CCNB3: variants seen among roughly 807,000 people sequenced by gnomAD.
The protein encoded by CCNB3 is cyclin B3, also known as G2/mitotic-specific cyclin-B3.
In CCNB3, 12 loss-of-function variants were observed where a neutral mutation model predicts 68.0. That is an observed-to-expected ratio of 0.18 (90% CI 0.11 to 0.29). The LOEUF (loss-of-function observed/expected upper bound fraction) is 0.29, where lower values mean the gene tolerates loss of function less well. CCNB3 is among the 10% of genes least tolerant of loss of function. The probability of loss-of-function intolerance (pLI) is 1.00; values close to 1 mark genes in which losing one functional copy is unlikely to be tolerated. For synonymous variants in CCNB3, 354 were observed against 388.9 expected (o/e 0.91, Z 1.06); for missense variants, 904 against 993.1 (o/e 0.91, Z 1.21).
intron 1 of CCNB3, among the ~76,000 whole-genome samples, chrX:50,279,321 A>G (rs1936030884): frequency 1.4e-5 from 1 of 72,054 alleles, no homozygotes; most frequent in African/African-American, 6.6e-5. Flanking sequence ...TTTAATATAT[A>G]TTTAAATATA....
At chrX:50,301,470 T>C (rs1602215543) in intron 5 of CCNB3, among the ~76,000 whole-genome samples, 1 of 111,701 alleles carries the variant, frequency 9.0e-6, no homozygotes, top group South Asian at 3.7e-4. Flanking sequence ...ACCGCAAATG[T>C]TGCTGCCTGA....
upstream of CCNB3, among the ~76,000 whole-genome samples, chrX:50,204,313 T>C (rs1405065823): frequency 8.9e-6 from 1 of 111,805 alleles, no homozygotes. Flanking sequence ...CTTCAGTTTC[T>C]CATTCTACGG....
chrX:50,293,919 G>T (rs186143900), intron 4 of CCNB3, among the ~76,000 whole-genome samples: 1 of 111,180 alleles, frequency 9.0e-6, no homozygotes, highest in East Asian at 2.8e-4. Flanking sequence ...AGGTTCATTT[G>T]TGTCATTTAA....
chrX:50,279,891 AATAT>A (rs1289110481), intron 1 of CCNB3, among the ~76,000 whole-genome samples: 183 of 87,140 alleles, frequency 2.1e-3, no homozygotes, highest in Non-Finnish European at 3.1e-3. Context: ...AGTATATATA[AATAT>A]ATAGTGTATA....
chrX:50,285,273 G>A lies in CCNB3; in HGVS notation c.96+14G>A. ...CCATCTGAAAAGGTTAGAGCAAGCT[G>A]TCTTTCCCAACAATATCTTTGGTAG... On this transcript the variant is annotated intron_variant, in intron 3 of 12. Coordinates refer to ENST00000376042, the MANE Select transcript of CCNB3 (RefSeq NM_033031.3). 3 of 1,145,996 alleles carry A rather than the reference G, an allele frequency of 2.6e-6. No individual in the cohort carries two copies. Among genetic ancestry groups the A allele is most frequent in the Non-Finnish European group, 3.6e-6 (3 of 836,004 alleles). 94.4% of individuals were successfully genotyped at this position (1,145,996 alleles called of 1,213,427 possible).
chrX:50,213,432 G>T (rs1188652008), intron 1 of CCNB3, among the ~76,000 whole-genome samples: 2 of 110,887 alleles, frequency 1.8e-5, no homozygotes, highest in African/African-American at 6.6e-5. Flanking sequence ...TAAGAATTTT[G>T]TTTCTATATT....
At chrX:50,279,425 T>C (rs1179437721) in intron 1 of CCNB3, among the ~76,000 whole-genome samples, 1 of 71,852 alleles carries the variant, frequency 1.4e-5, no homozygotes, top group Non-Finnish European at 2.3e-5. Context: ...AATATATAAA[T>C]ATATATAAAT....
intron 1 of CCNB3, among the ~76,000 whole-genome samples, chrX:50,279,458 A>G (rs1325411495): frequency 2.4e-5 from 2 of 81,746 alleles, no homozygotes; most frequent in South Asian, 5.6e-4. Context: ...ATATAAATAT[A>G]TATAAATATA....
At chrX:50,317,543 T>TTATGTATG (rs200015453) in intron 8 of CCNB3, among the ~76,000 whole-genome samples, 23,408 of 99,588 alleles carry the variant, frequency 0.24, 2,716 homozygotes, top group African/African-American at 0.4. Context: ...GTATTTAAAT[T>TTATGTATG]TATGTATGTA....
intron 8 of CCNB3, among the ~76,000 whole-genome samples, chrX:50,336,589 C>T (rs1922864707): frequency 8.9e-6 from 1 of 112,372 alleles, no homozygotes; most frequent in South Asian, 3.7e-4. Context: ...AAGGAGTGTA[C>T]ATACGGTAAG....
At chrX:50,347,491 A>T in intron 10 of CCNB3, 135 bp from the exon 11 acceptor site, 1 of 534,553 alleles carries the variant, frequency 1.9e-6, no homozygotes, top group Non-Finnish European at 3.0e-6. Flanking sequence ...GAAGTGAGTT[A>T]CGGTTGCAGG....
rs782417341 is a variant in CCNB3, at chrX:50,314,076, G to A, written c.3516+128G>A. On this transcript the variant is annotated intron_variant, in intron 8 of 12. Transcript: ENST00000376042. ...ATAAGCTGTGGTTCCTGCCCTCAAGGAGCTCATGATTTAGGAGGCAAGATA... is the reference window on the plus strand; with the variant it reads ...ATAAGCTGTGGTTCCTGCCCTCAAGAAGCTCATGATTTAGGAGGCAAGATA... The A allele has an allele frequency of 3.1e-4, 142 of 451,123 alleles. No individual in the cohort carries two copies. The African/African-American group carries it at 3.2e-3, about 10-fold the overall frequency. 37.2% of individuals were successfully genotyped at this position (451,123 alleles called of 1,213,427 possible). A position where few individuals can be genotyped will look rare whatever the true frequency, so the allele number is the denominator to read the frequency against.
chrX:50,220,977 C>T (rs1265774794), intron 1 of CCNB3, among the ~76,000 whole-genome samples: 12 of 111,168 alleles, frequency 1.1e-4, no homozygotes, highest in Non-Finnish European at 1.9e-4. Flanking sequence ...TTCAGGGATT[C>T]GATTTCTTCC....
intron 5 of CCNB3, among the ~76,000 whole-genome samples, chrX:50,295,931 T>C (rs1319937626): frequency 9.0e-6 from 1 of 111,234 alleles, no homozygotes; most frequent in African/African-American, 3.3e-5. Flanking sequence ...TGGGTAACTC[T>C]AGAAAATAAC....
At chrX:50,307,223 A>T (rs1921121829) in intron 5 of CCNB3, among the ~76,000 whole-genome samples, 1 of 111,764 alleles carries the variant, frequency 8.9e-6, no homozygotes, top group Non-Finnish European at 1.9e-5. Context: ...TCAATTATCT[A>T]ATTTATTGAC....
In CCNB3 at chrX:50,288,806, ATCTCCATCTTCACTTCAGGAG is replaced by A. The variant is rs782225017; in HGVS notation, c.143_163del (p.Glu48_Gln54del). ...CGGGGGAGAATTGCCAAACGAAGAT[ATCTCCATCTTCACTTCAGGAG>A]TCTCCATCTTCACTTCAGGGAGCAC... is the stretch of plus-strand genomic sequence containing the variant. On this transcript the variant is annotated inframe_deletion, in exon 4 of 13. Coordinates refer to ENST00000376042, the MANE Select transcript of CCNB3 (RefSeq NM_033031.3). 2.7e-5 allele frequency: 33 copies of A among 1,205,479 alleles called. No homozygotes were observed. The African/African-American group carries it at 3.5e-4, about 13-fold the overall frequency.
chrX:50,317,973 G>A (rs1263590588), intron 8 of CCNB3, among the ~76,000 whole-genome samples: 1 of 111,089 alleles, frequency 9.0e-6, no homozygotes, highest in Non-Finnish European at 1.9e-5. Flanking sequence ...TTTAGGTCAA[G>A]GTTCTTTTTT....
chrX:50,279,168 T>G (rs1328923649), intron 1 of CCNB3, among the ~76,000 whole-genome samples: 1 of 60 alleles, frequency 0.017, no homozygotes, highest in Non-Finnish European at 0.038. Flanking sequence ...ATATTCTATA[T>G]ATATATGAAT....
intron 1 of CCNB3, among the ~76,000 whole-genome samples, chrX:50,279,278 A>C (rs1936027503): frequency 1.4e-5 from 1 of 72,374 alleles, no homozygotes; most frequent in Non-Finnish European, 2.3e-5. Context: ...GAATATATAC[A>C]TATTCATATA....
Sources: gnomAD v4.1 joint callset for allele counts (sites outside exome capture counted in the v4.1 genomes callset) on GRCh38, gnomAD v4.1.1 for gene constraint, MANE v1.5 for transcripts, NCBI Gene and HGNC (gene_info 2026-07-23, HGNC 2026-07-21) for gene names.